KCNIP4: variants seen among roughly 807,000 people sequenced by gnomAD.
The protein encoded by KCNIP4 is Kv channel-interacting protein 4.
Under a neutral mutation model 34.0 loss-of-function variants are expected in KCNIP4, and 12 were observed. The observed-to-expected ratio is 0.35, with a 90% CI of 0.23 to 0.57. The LOEUF (loss-of-function observed/expected upper bound fraction) is 0.57. KCNIP4 is among the 20% of genes least tolerant of loss of function. The probability of loss-of-function intolerance (pLI) is 0.83; values close to 1 mark genes in which losing one functional copy is unlikely to be tolerated. For synonymous variants in KCNIP4, 124 were observed against 102.2 expected (o/e 1.21, Z -1.29); for missense variants, 238 against 311.7 (o/e 0.76, Z 1.78).
intron 1 of KCNIP4, among the ~76,000 whole-genome samples, chr4:21,734,957 T>G (rs1423591663): frequency 1.3e-5 from 2 of 152,108 alleles, no homozygotes; most frequent in African/African-American, 2.4e-5. Flanking sequence ...TAAAGATTAG[T>G]GTAAAGAGAG....
chr4:21,247,997 ACACACACC>A (rs1388763281), intron 1 of KCNIP4, among the ~76,000 whole-genome samples: 2 of 110,074 alleles, frequency 1.8e-5, no homozygotes, highest in African/African-American at 5.1e-5. Context: ...ACACACACAC[ACACACACC>A]CCCCACAGGT....
Position 21,128,407 on chromosome 4 carries a change from A to G in KCNIP4, c.62-245698T>C, listed in dbSNP as rs371409375. Among the ~76,000 whole-genome samples the G allele has an allele frequency of 3.3e-5, 5 of 152,336 alleles. No homozygotes were observed. In the South Asian group the frequency reaches 6.2e-4, roughly 19 times the overall value. ...CACAGGAATCATAAGTGTTCAAATAAATAAACCCCATTCAGGAAAAAGAGC... is the reference window on the plus strand; with the variant it reads ...CACAGGAATCATAAGTGTTCAAATAGATAAACCCCATTCAGGAAAAAGAGC... On this transcript the variant is annotated intron_variant, in intron 1 of 8. Coordinates refer to ENST00000382152, the MANE Select transcript of KCNIP4 (RefSeq NM_025221.6).
At chr4:21,684,235 G>A (rs975181432) in intron 1 of KCNIP4, among the ~76,000 whole-genome samples, 5 of 152,114 alleles carry the variant, frequency 3.3e-5, no homozygotes, top group Admixed American at 6.6e-5. Flanking sequence ...ATTCTTATGC[G>A]TTTTAGAAGC....
chr4:21,812,638 A>G (rs1293497714), intron 1 of KCNIP4, among the ~76,000 whole-genome samples: 1 of 152,188 alleles, frequency 6.6e-6, no homozygotes. Context: ...TGCAAAAAAT[A>G]AGTCAATTTC....
At chr4:21,875,454 T>G (rs1203092826) in intron 1 of KCNIP4, among the ~76,000 whole-genome samples, 1 of 152,218 alleles carries the variant, frequency 6.6e-6, no homozygotes, top group Non-Finnish European at 1.5e-5. Context: ...CTTTTCTACG[T>G]TGAAATAGTC....
intron 1 of KCNIP4, among the ~76,000 whole-genome samples, chr4:21,229,450 G>C (rs1442287908): frequency 6.6e-6 from 1 of 152,136 alleles, no homozygotes; most frequent in Admixed American, 6.6e-5. Context: ...CTCTCTGTAA[G>C]TGTCTCACAC....
chr4:21,723,018 G>A (rs1399421363), intron 1 of KCNIP4, among the ~76,000 whole-genome samples: 1 of 151,702 alleles, frequency 6.6e-6, no homozygotes, highest in Non-Finnish European at 1.5e-5. Flanking sequence ...GATTCTCACT[G>A]TCTATCTACC....
At chr4:21,460,100 C>CT (rs1729320680) in intron 1 of KCNIP4, among the ~76,000 whole-genome samples, 2 of 131,042 alleles carry the variant, frequency 1.5e-5, no homozygotes, top group Non-Finnish European at 1.8e-5. Context: ...AAATCTGCCC[C>CT]CCGCCCCCCA....
intron 1 of KCNIP4, among the ~76,000 whole-genome samples, chr4:21,042,151 T>G (rs1324152382): frequency 1.3e-5 from 2 of 152,158 alleles, no homozygotes; most frequent in African/African-American, 4.8e-5. Context: ...CATTTCCCTA[T>G]GATTCACAAA....
chr4:21,214,674 T>C (rs1757440316), intron 1 of KCNIP4, among the ~76,000 whole-genome samples: 1 of 152,306 alleles, frequency 6.6e-6, no homozygotes, highest in Middle Eastern at 3.4e-3. Flanking sequence ...AACTTGACTA[T>C]ATATGTTAAA....
intron 3 of KCNIP4, among the ~76,000 whole-genome samples, chr4:20,806,589 C>A (rs1715122286): frequency 6.6e-6 from 1 of 151,740 alleles, no homozygotes; most frequent in South Asian, 2.1e-4. Flanking sequence ...TATCAAAGGA[C>A]ATGAATTTTC....
At position 21,291,587 on chromosome 4, in the gene KCNIP4, C is replaced by T. The variant is rs191993253; in HGVS notation, c.62-408878G>A. Among the ~76,000 whole-genome samples the T allele has an allele frequency of 4.2e-3, 645 of 152,000 alleles. 2 individuals are homozygous for T. Among genetic ancestry groups the T allele is most frequent in the Non-Finnish European group, 7.1e-3 (480 of 67,970 alleles). ...GATGATGGCCAGGTGCGGTGGCTCA[C>T]GCCTGTAATCCCAGCACTTTGGGAG... On this transcript the variant is annotated intron_variant, in intron 1 of 8. Transcript: ENST00000382152.
chr4:21,524,074 C>T (rs1735770942), intron 1 of KCNIP4, among the ~76,000 whole-genome samples: 8 of 152,064 alleles, frequency 5.3e-5, no homozygotes, highest in Admixed American at 5.2e-4. Context: ...CTCTCTCCTC[C>T]TCCTTTATTT....
intron 1 of KCNIP4, among the ~76,000 whole-genome samples, chr4:21,518,543 G>A (rs1258040852): frequency 6.6e-6 from 1 of 152,026 alleles, no homozygotes; most frequent in Non-Finnish European, 1.5e-5. Flanking sequence ...AACCACTCAG[G>A]GAGGCCTGAG....
At chr4:21,169,660 TTGTGTGTGTGTGTGTGTGTGTG>T (rs58544791) in intron 1 of KCNIP4, among the ~76,000 whole-genome samples, 2 of 136,204 alleles carry the variant, frequency 1.5e-5, no homozygotes, top group Admixed American at 1.5e-4. Context: ...TACTTTATAT[TTGTGTGTGTGTGTGTGTGTGTG>T]TGTGTGTGTG....
chr4:21,565,840 G>T (rs1365380103), intron 1 of KCNIP4, among the ~76,000 whole-genome samples: 1 of 152,126 alleles, frequency 6.6e-6, no homozygotes, highest in Non-Finnish European at 1.5e-5. Flanking sequence ...AATGGGATTA[G>T]ACCATGGGGA....
chr4:21,781,820 A>G (rs1351222999), intron 1 of KCNIP4, among the ~76,000 whole-genome samples: 1 of 152,112 alleles, frequency 6.6e-6, no homozygotes, highest in Non-Finnish European at 1.5e-5. Flanking sequence ...TGGGGAGTAA[A>G]TGGGCTTAAA....
intron 1 of KCNIP4, chr4:21,843,556 C>T (rs1723821834): frequency 6.6e-6 from 1 of 151,870 alleles, no homozygotes; most frequent in Non-Finnish European, 1.5e-5. Context: ...CTTCCATATT[C>T]CCAGAAGAAA....
chr4:21,146,840 G>C (rs901439062), intron 1 of KCNIP4, among the ~76,000 whole-genome samples: 2 of 151,972 alleles, frequency 1.3e-5, no homozygotes, highest in Non-Finnish European at 2.9e-5. Flanking sequence ...TCATAGAAAA[G>C]CATTTTTTAT....
Sources: gnomAD v4.1 joint callset for allele counts (sites outside exome capture counted in the v4.1 genomes callset) on GRCh38, gnomAD v4.1.1 for gene constraint, MANE v1.5 for transcripts, NCBI Gene and HGNC (gene_info 2026-07-23, HGNC 2026-07-21) for gene names.